SH2D4A: variants seen among roughly 807,000 people sequenced by gnomAD.
The protein encoded by SH2D4A is SH2 domain-containing protein 4A.
SH2D4A carries 70 observed loss-of-function variants against 64.7 expected under a neutral mutation model. The ratio of observed to expected loss-of-function variants is 1.08; its 90% CI spans 0.89 to 1.32. The LOEUF is 1.32. Among genes scored for constraint, SH2D4A ranks in the 40% most tolerant of loss-of-function variants. The probability of loss-of-function intolerance (pLI) is 0.00; values close to 1 mark genes in which losing one functional copy is unlikely to be tolerated. For missense variants in SH2D4A, 706 were observed against 540.1 expected (o/e 1.31, Z -3.04); for synonymous variants, 268 against 200.7 (o/e 1.34, Z -2.83).
At chr8:19,340,601 CTTTTTTTTTTT>C (rs535915285) in intron 4 of SH2D4A, among the ~76,000 whole-genome samples, 11 of 100,518 alleles carry the variant, frequency 1.1e-4, no homozygotes, top group Non-Finnish European at 1.6e-4. Context: ...TTCTTTCTTT[CTTTTTTTTTTT>C]TTTTTTTTTT....
At position 19,353,729 on chromosome 8, in the gene SH2D4A, C is replaced by T. The variant is rs2052746862; in HGVS notation, c.514-3474C>T. On this transcript the variant is annotated intron_variant, in intron 4 of 9. Coordinates refer to ENST00000265807, the MANE Select transcript of SH2D4A (RefSeq NM_022071.4). ...AAATAACTTTTGGATCCCACATTTTCACTCTATTACTTGTGCATATCATGG... is the reference window on the plus strand; with the variant it reads ...AAATAACTTTTGGATCCCACATTTTTACTCTATTACTTGTGCATATCATGG... 1.5e-5 allele frequency among the ~76,000 whole-genome samples: 2 copies of T among 136,658 alleles called. 1 individual carries two copies. Among genetic ancestry groups the T allele is most frequent in the South Asian group, 4.8e-4 (2 of 4,134 alleles). The allele number at this position is 136,658 out of a possible 152,430, so 89.7% of individuals were successfully genotyped here. A position where few individuals can be genotyped will look rare whatever the true frequency, so the allele number is the denominator to read the frequency against.
At chr8:19,367,222 A>G (rs945007396) in intron 7 of SH2D4A, among the ~76,000 whole-genome samples, 8 of 152,196 alleles carry the variant, frequency 5.3e-5, no homozygotes, top group African/African-American at 1.9e-4. Context: ...TGGGAGTGCA[A>G]GTATCTCTTT....
chr8:19,322,506 C>T (rs572678072), intron 2 of SH2D4A, among the ~76,000 whole-genome samples: 6 of 152,028 alleles, frequency 3.9e-5, no homozygotes, highest in Non-Finnish European at 7.4e-5. Context: ...CCTTCATTGT[C>T]ATCTGGTCAT....
At chr8:19,353,271 G>A (rs1181572554) in intron 4 of SH2D4A, among the ~76,000 whole-genome samples, 2 of 151,904 alleles carry the variant, frequency 1.3e-5, no homozygotes, top group Admixed American at 6.6e-5. Context: ...TCTTCATCCT[G>A]CCTCTAGGAG....
chr8:19,362,515 G>A (rs540814893), intron 6 of SH2D4A, among the ~76,000 whole-genome samples: 39 of 152,246 alleles, frequency 2.6e-4, no homozygotes, highest in African/African-American at 9.1e-4. Context: ...CAAGGTGGGT[G>A]GATCACTTCA....
chr8:19,353,695 T>C (rs34916232), intron 4 of SH2D4A, among the ~76,000 whole-genome samples: 1 of 146,224 alleles, frequency 6.8e-6, no homozygotes, highest in Admixed American at 7.0e-5. Context: ...TTTTTTTTTT[T>C]AATAAAGGAA....
At chr8:19,361,745 A>C (rs1311941868) in intron 6 of SH2D4A, among the ~76,000 whole-genome samples, 3 of 152,220 alleles carry the variant, frequency 2.0e-5, no homozygotes, top group Non-Finnish European at 4.4e-5. Flanking sequence ...TTTTCTTGGA[A>C]AGGTGAGATT....
chr8:19,388,746 G>A (rs148677266), intron 8 of SH2D4A, among the ~76,000 whole-genome samples: 144 of 152,284 alleles, frequency 9.5e-4, no homozygotes, highest in Admixed American at 1.8e-3. Flanking sequence ...GTGGCTGCAC[G>A]GAAGTGTCCC....
chr8:19,377,565 C>G (rs1376635014), intron 8 of SH2D4A, among the ~76,000 whole-genome samples: 1 of 152,078 alleles, frequency 6.6e-6, no homozygotes, highest in Non-Finnish European at 1.5e-5. Flanking sequence ...TAAATGGGAT[C>G]ATGTTACACA....
At chr8:19,366,206 A>C (rs1184494794) in intron 7 of SH2D4A, among the ~76,000 whole-genome samples, 1 of 152,184 alleles carries the variant, frequency 6.6e-6, no homozygotes, top group African/African-American at 2.4e-5. Flanking sequence ...TATGGGATAC[A>C]GTGTGATGTT....
At chr8:19,332,463 G>T (rs1262478347) in intron 2 of SH2D4A, among the ~76,000 whole-genome samples, 2 of 152,022 alleles carry the variant, frequency 1.3e-5, no homozygotes, top group East Asian at 3.9e-4. Context: ...GTGAAATCCT[G>T]TCTCTACTAA....
chr8:19,388,160 C>T (rs2053422339), intron 8 of SH2D4A, among the ~76,000 whole-genome samples: 1 of 152,146 alleles, frequency 6.6e-6, no homozygotes, highest in South Asian at 2.1e-4. Context: ...ATTCCATGAG[C>T]CTAGTGGGTT....
chr8:19,369,869 C>A (rs899700290), intron 7 of SH2D4A, among the ~76,000 whole-genome samples: 1 of 146,734 alleles, frequency 6.8e-6, no homozygotes, highest in Non-Finnish European at 1.5e-5. Flanking sequence ...GCATCAAGTT[C>A]TTGTTTTTCT....
intron 2 of SH2D4A, among the ~76,000 whole-genome samples, chr8:19,324,223 T>C (rs1003717619): frequency 6.6e-6 from 1 of 152,138 alleles, no homozygotes; most frequent in Non-Finnish European, 1.5e-5. Context: ...AGCACTTGTT[T>C]CATGGGGTCT....
At chr8:19,325,569 G>A (rs994031782) in intron 2 of SH2D4A, among the ~76,000 whole-genome samples, 2 of 151,974 alleles carry the variant, frequency 1.3e-5, no homozygotes, top group Non-Finnish European at 2.9e-5. Context: ...ATCTTTTTTG[G>A]GTAACACTGT....
rs56965541 is a variant in SH2D4A at position 19,372,931 on chromosome 8, A to C, written c.918-599A>C. On this transcript the variant is annotated intron_variant, in intron 7 of 9. Coordinates refer to ENST00000265807, the MANE Select transcript of SH2D4A (RefSeq NM_022071.4). Reference sequence around the variant, plus strand: ...GGGAGGTTAGTGGAAAGAGAAGAGAAAATCAAATAATGCAAACATTAGGAA... The same window carrying C: ...GGGAGGTTAGTGGAAAGAGAAGAGACAATCAAATAATGCAAACATTAGGAA... Among the ~76,000 whole-genome samples, 266 of 152,242 alleles carry C rather than the reference A, an allele frequency of 1.7e-3. 6 individuals carry two copies. In the East Asian group the frequency reaches 0.035, roughly 20 times the overall value.
intron 4 of SH2D4A, among the ~76,000 whole-genome samples, chr8:19,340,548 C>A (rs1264601332): frequency 6.6e-6 from 1 of 150,628 alleles, no homozygotes; most frequent in Non-Finnish European, 1.5e-5. Context: ...AGGCTACTTG[C>A]AGAAGTGGTA....
At chr8:19,332,127 A>G (rs1338661738) in intron 2 of SH2D4A, among the ~76,000 whole-genome samples, 3 of 152,162 alleles carry the variant, frequency 2.0e-5, no homozygotes, top group African/African-American at 4.8e-5. Flanking sequence ...CAAATAAAAT[A>G]CAATATAAAT....
intron 7 of SH2D4A, among the ~76,000 whole-genome samples, chr8:19,372,265 C>G (rs2053114837): frequency 6.6e-6 from 1 of 152,162 alleles, no homozygotes; most frequent in Non-Finnish European, 1.5e-5. Context: ...CTAGAGGGCG[C>G]TCCAAGTCCA....
Sources: gnomAD v4.1 joint callset for allele counts (sites outside exome capture counted in the v4.1 genomes callset) on GRCh38, gnomAD v4.1.1 for gene constraint, MANE v1.5 for transcripts, NCBI Gene and HGNC (gene_info 2026-07-23, HGNC 2026-07-21) for gene names.